Variants in CACNA2D1 observed in about 807,000 individuals in gnomAD.
CACNA2D1 encodes calcium voltage-gated channel auxiliary subunit alpha2delta 1.
Under a neutral mutation model 171.5 loss-of-function variants are expected in CACNA2D1, and 53 were observed. The observed-to-expected ratio is 0.31, with a 90% confidence interval of 0.25 to 0.39. The LOEUF is 0.39. CACNA2D1 is among the 10% of genes least tolerant of loss of function. The pLI is 1.00. For synonymous variants in CACNA2D1, 442 were observed against 443.1 expected (o/e 1.00, Z 0.03); for missense variants, 903 against 1,299.8 (o/e 0.69, Z 4.69).
chr7:82,204,169 A>T (rs1168410109), intron 3 of CACNA2D1, among the ~76,000 whole-genome samples: 1 of 152,180 alleles, frequency 6.6e-6, no homozygotes, highest in Non-Finnish European at 1.5e-5. Flanking sequence ...CCTAGTATTG[A>T]CACCATATGG....
At chr7:82,060,222 A>AAT (rs1303379266) in intron 10 of CACNA2D1, among the ~76,000 whole-genome samples, 24 of 58,788 alleles carry the variant, frequency 4.1e-4, no homozygotes, top group African/African-American at 1.1e-3. Context: ...ATATATATAT[A>AAT]ATATATATAT....
intron 3 of CACNA2D1, among the ~76,000 whole-genome samples, chr7:82,300,029 G>C (rs1477912379): frequency 1.3e-5 from 2 of 152,090 alleles, no homozygotes; most frequent in South Asian, 4.1e-4. Context: ...AATCATGACC[G>C]ATCTGTGATC....
chr7:82,055,174 C>T (rs1338458600), intron 10 of CACNA2D1, among the ~76,000 whole-genome samples: 2 of 152,072 alleles, frequency 1.3e-5, no homozygotes, highest in Non-Finnish European at 2.9e-5. Context: ...GGAGAAGCAC[C>T]CTTTGTACTA....
At chr7:82,211,572 G>A (rs1563206623) in intron 3 of CACNA2D1, among the ~76,000 whole-genome samples, 1 of 152,174 alleles carries the variant, frequency 6.6e-6, no homozygotes, top group African/African-American at 2.4e-5. Context: ...GTATTTCATG[G>A]TGTAGATTTA....
intron 36 of CACNA2D1, among the ~76,000 whole-genome samples, 198 bp downstream of exon 36, chr7:81,961,696 T>G (rs1794140861): frequency 6.6e-6 from 1 of 151,946 alleles, no homozygotes; most frequent in Non-Finnish European, 1.5e-5. Context: ...TTTTAAAAAT[T>G]ACAAATTTTA....
chr7:82,413,598 T>C (rs1827892627), intron 1 of CACNA2D1, among the ~76,000 whole-genome samples: 6 of 152,232 alleles, frequency 3.9e-5, no homozygotes, highest in Admixed American at 2.0e-4. Flanking sequence ...AACAGCTCCA[T>C]TATAAACAAT....
intron 1 of CACNA2D1, among the ~76,000 whole-genome samples, chr7:82,366,666 G>C (rs60239425): frequency 0.011 from 1,656 of 152,194 alleles, 37 homozygotes; most frequent in African/African-American, 0.038. Context: ...ATTGTGAATA[G>C]CACTGCAATG....
chr7:82,428,911 G>C (rs896630723), intron 1 of CACNA2D1, among the ~76,000 whole-genome samples: 2 of 152,134 alleles, frequency 1.3e-5, no homozygotes, highest in South Asian at 4.1e-4. Flanking sequence ...GACTCATATG[G>C]TTCTGGCTTT....
chr7:82,274,207 A>G (rs73164260), intron 3 of CACNA2D1, among the ~76,000 whole-genome samples: 41,850 of 137,014 alleles, frequency 0.31, 6,656 homozygotes, highest in Non-Finnish European at 0.36. Context: ...TCACGACTGT[A>G]TCTTCCTCTC....
At chr7:82,123,562 C>T (rs1789989461) in intron 5 of CACNA2D1, among the ~76,000 whole-genome samples, 1 of 152,164 alleles carries the variant, frequency 6.6e-6, no homozygotes, top group Non-Finnish European at 1.5e-5. Context: ...CAATTTACAG[C>T]AGCTCCTTCA....
intron 4 of CACNA2D1, among the ~76,000 whole-genome samples, chr7:82,141,419 G>A (rs1302226795): frequency 6.6e-6 from 1 of 151,986 alleles, no homozygotes; most frequent in Non-Finnish European, 1.5e-5. Flanking sequence ...TAAAATTAAA[G>A]GAGAAGAGGA....
intron 3 of CACNA2D1, among the ~76,000 whole-genome samples, chr7:82,184,022 T>G (rs2129173970): frequency 6.6e-6 from 1 of 152,190 alleles, no homozygotes; most frequent in East Asian, 1.9e-4. Context: ...TACCTTTAAA[T>G]AATTTACCTT....
At chr7:82,236,816 A>G (rs1170602249) in intron 3 of CACNA2D1, among the ~76,000 whole-genome samples, 2 of 152,100 alleles carry the variant, frequency 1.3e-5, no homozygotes, top group South Asian at 4.1e-4. Flanking sequence ...CACTTACGGC[A>G]GATTTTCATG....
At chr7:82,100,068 A>T (rs1303480178) in intron 6 of CACNA2D1, among the ~76,000 whole-genome samples, 2 of 152,186 alleles carry the variant, frequency 1.3e-5, no homozygotes, top group Non-Finnish European at 1.5e-5. Flanking sequence ...CTTAAAAAAA[A>T]TAAGAAAAAT....
chr7:82,116,556 CT>C (rs1403247815), intron 6 of CACNA2D1, among the ~76,000 whole-genome samples: 1 of 152,074 alleles, frequency 6.6e-6, no homozygotes, highest in African/African-American at 2.4e-5. Flanking sequence ...TACCTATATC[CT>C]AGGGTAAGGC....
At chr7:82,356,709 C>T (rs1042015407) in intron 1 of CACNA2D1, among the ~76,000 whole-genome samples, 13 of 151,644 alleles carry the variant, frequency 8.6e-5, no homozygotes, top group African/African-American at 3.1e-4. Context: ...CGTATCTCTC[C>T]GTAATCCACA....
At chr7:82,335,072 T>A (rs1440586870) in intron 3 of CACNA2D1, 63 bp downstream of exon 3, 3 of 1,077,834 alleles carry the variant, frequency 2.8e-6, no homozygotes, top group East Asian at 2.4e-5. Flanking sequence ...CAATAGAGCA[T>A]GAAAATTAAA....
At chr7:82,252,053 T>C (rs1805710297) in intron 3 of CACNA2D1, among the ~76,000 whole-genome samples, 1 of 152,230 alleles carries the variant, frequency 6.6e-6, no homozygotes, top group South Asian at 2.1e-4. Flanking sequence ...CTATATTTTA[T>C]TTATTAGACA....
Position 82,433,573 on chromosome 7 carries a change from C to G in CACNA2D1, c.95+9792G>C, listed in dbSNP as rs941966500. 2.0e-5 allele frequency among the ~76,000 whole-genome samples: 3 copies of G among 152,176 alleles called. No individual in the cohort carries two copies. In the South Asian group the frequency reaches 6.2e-4, roughly 31 times the overall value. On this transcript the variant is annotated intron_variant, in intron 1 of 38. Transcript: ENST00000356860. ...ATATTTCAAAAGTTACTTTGTAAGA[C>G]ATTGTGTTTAGTCTTGATCCCTTCC...
Sources: gnomAD v4.1 joint callset for allele counts (sites outside exome capture counted in the v4.1 genomes callset) on GRCh38, gnomAD v4.1.1 for gene constraint, MANE v1.5 for transcripts, NCBI Gene and HGNC (gene_info 2026-07-23, HGNC 2026-07-21) for gene names.